The following RUNX1 variants were observed in gnomAD, a reference collection of about 807,000 sequenced individuals.
RUNX1 encodes the protein runt-related transcription factor 1.
Under a neutral mutation model 42.8 loss-of-function variants are expected in RUNX1, and 19 were observed. That is an observed-to-expected ratio of 0.44 (90% confidence interval 0.31 to 0.65). The LOEUF is 0.65. Ranked by LOEUF, RUNX1 falls within the 30% of genes least tolerant of loss-of-function variation. The probability of loss-of-function intolerance (pLI) is 0.07; values close to 1 mark genes in which losing one functional copy is unlikely to be tolerated. For missense variants in RUNX1, 528 were observed against 672.0 expected, an observed-to-expected ratio of 0.79 and a Z score of 2.37; for synonymous variants, 271 against 289.4, an observed-to-expected ratio of 0.94 and a Z score of 0.64.
intron 2 of RUNX1, among the ~76,000 whole-genome samples, chr21:35,005,400 T>G (rs766454349): frequency 6.6e-5 from 10 of 152,180 alleles, no homozygotes; most frequent in Non-Finnish European, 1.2e-4. Context: ...TGAGTCAAAT[T>G]GGAGTCAGAT....
At chr21:34,977,260 C>G (rs1392934224) in intron 2 of RUNX1, among the ~76,000 whole-genome samples, 1 of 152,144 alleles carries the variant, frequency 6.6e-6, no homozygotes, top group South Asian at 2.1e-4. Flanking sequence ...ACCCAAAGAT[C>G]GATGGCTCAT....
chr21:34,977,473 T>C (rs1053600958), intron 2 of RUNX1, among the ~76,000 whole-genome samples: 5 of 152,248 alleles, frequency 3.3e-5, no homozygotes, highest in Non-Finnish European at 7.3e-5. Flanking sequence ...AATTTTTCTT[T>C]GGTCAAGTCA....
At chr21:34,995,977 C>T (rs984222251) in intron 2 of RUNX1, among the ~76,000 whole-genome samples, 1 of 152,140 alleles carries the variant, frequency 6.6e-6, no homozygotes, top group African/African-American at 2.4e-5. Context: ...AGAATGCCCC[C>T]ACCACACATT....
intron 6 of RUNX1, among the ~76,000 whole-genome samples, chr21:34,841,965 C>T (rs1290129004): frequency 6.6e-6 from 1 of 152,164 alleles, no homozygotes; most frequent in Non-Finnish European, 1.5e-5. Flanking sequence ...TCTCCAGCAC[C>T]TATAAAACCA....
At chr21:34,968,473 C>T (rs2058736937) in intron 2 of RUNX1, among the ~76,000 whole-genome samples, 1 of 152,174 alleles carries the variant, frequency 6.6e-6, no homozygotes, top group South Asian at 2.1e-4. Flanking sequence ...GAAAACTTAT[C>T]CTCCACATCC....
chr21:34,926,814 G>A (rs1340536429), intron 2 of RUNX1, among the ~76,000 whole-genome samples: 1 of 151,196 alleles, frequency 6.6e-6, no homozygotes, highest in African/African-American at 2.4e-5. Context: ...TTCACCATTG[G>A]CCAGACAGAT....
chr21:34,829,071 A>G (rs1178302545), intron 7 of RUNX1, among the ~76,000 whole-genome samples: 2 of 152,186 alleles, frequency 1.3e-5, no homozygotes, highest in African/African-American at 4.8e-5. Context: ...AAGAAAACTA[A>G]GGCTTTAAAA....
chr21:34,986,023 C>T (rs1278621796), intron 2 of RUNX1, among the ~76,000 whole-genome samples: 1 of 151,986 alleles, frequency 6.6e-6, no homozygotes. Flanking sequence ...CAGGCATGCA[C>T]CACTACACTG....
chr21:34,962,578 TGTG>T (rs2058689126), intron 2 of RUNX1, among the ~76,000 whole-genome samples: 1 of 118,510 alleles, frequency 8.4e-6, no homozygotes, highest in African/African-American at 2.8e-5. Flanking sequence ...TTGTTGTTTG[TGTG>T]TTTTTTCTTT....
At chr21:34,967,547 G>C (rs9982598) in intron 2 of RUNX1, among the ~76,000 whole-genome samples, 17 of 152,118 alleles carry the variant, frequency 1.1e-4, no homozygotes, top group African/African-American at 3.6e-4. Flanking sequence ...GGGTGTCTAA[G>C]AGTCTGGTGT....
intron 3 of RUNX1, chr21:34,888,627 G>T: frequency 9.5e-7 from 1 of 1,055,602 alleles, no homozygotes; most frequent in Non-Finnish European, 1.1e-6. Context: ...GGGCCGGGCA[G>T]CGTGGTGCCC....
At chr21:34,913,341 G>A (rs955822128) in intron 2 of RUNX1, among the ~76,000 whole-genome samples, 7 of 152,182 alleles carry the variant, frequency 4.6e-5, no homozygotes, top group Non-Finnish European at 1.0e-4. Context: ...GCTCAGGAAA[G>A]GAAGAAACCT....
At chr21:34,897,800 C>T (rs1400811530) in intron 2 of RUNX1, among the ~76,000 whole-genome samples, 2 of 152,186 alleles carry the variant, frequency 1.3e-5, no homozygotes, top group Non-Finnish European at 2.9e-5. Flanking sequence ...ACCCCTCAAA[C>T]TTTCCACCCT....
intron 2 of RUNX1, among the ~76,000 whole-genome samples, chr21:34,911,396 G>A (rs978142822): frequency 6.6e-6 from 1 of 152,144 alleles, no homozygotes; most frequent in African/African-American, 2.4e-5. Context: ...ACATACATGA[G>A]GACAGAGGAA....
At chr21:35,013,012 C>G (rs1257973584) in intron 2 of RUNX1, among the ~76,000 whole-genome samples, 2 of 152,186 alleles carry the variant, frequency 1.3e-5, no homozygotes. Context: ...CAGGCTCAGG[C>G]CAGATTTGGC....
intron 7 of RUNX1, among the ~76,000 whole-genome samples, chr21:34,832,101 GT>G (rs1251322878): frequency 6.6e-6 from 1 of 152,110 alleles, no homozygotes; most frequent in Non-Finnish European, 1.5e-5. Context: ...CTAAAAGCGA[GT>G]TATGATTTCT....
At chr21:35,044,099 C>T (rs778291696) in intron 2 of RUNX1, among the ~76,000 whole-genome samples, 9 of 152,212 alleles carry the variant, frequency 5.9e-5, no homozygotes, top group Non-Finnish European at 8.8e-5. Flanking sequence ...AAAGGGCTCT[C>T]GTTCTTTTTC....
At chr21:34,883,102 C>T (rs2057930074) in intron 4 of RUNX1, among the ~76,000 whole-genome samples, 2 of 152,284 alleles carry the variant, frequency 1.3e-5, no homozygotes, top group South Asian at 4.1e-4. Context: ...CAATACTATC[C>T]TCATTGGTAA....
intron 3 of RUNX1, among the ~76,000 whole-genome samples, chr21:34,890,695 A>AT (rs533308756): frequency 2.6e-3 from 390 of 152,192 alleles, no homozygotes; most frequent in Non-Finnish European, 4.7e-3. Flanking sequence ...TTTTAAAATG[A>AT]TTTTTTTAAG....
Sources: gnomAD v4.1 joint callset for allele counts (sites outside exome capture counted in the v4.1 genomes callset) on GRCh38, gnomAD v4.1.1 for gene constraint, MANE v1.5 for transcripts, NCBI Gene and HGNC (gene_info 2026-07-23, HGNC 2026-07-21) for gene names.